Variants in AFG2A observed in about 807,000 individuals in gnomAD.
AFG2A encodes the protein AAA ATPase AFG2A.
chr4:123,190,723 G>A, the AFG2A span, among the ~76,000 whole-genome samples: 1 of 152,200 alleles, frequency 6.6e-6, no homozygotes, highest in Non-Finnish European at 1.5e-5. Context: ...GACTTCCATA[G>A]TGTACTGTAT....
chr4:123,260,211 A>G, the AFG2A span: 1 of 152,364 alleles, frequency 6.6e-6, no homozygotes, highest in African/African-American at 2.4e-5. Flanking sequence ...AATCTTATGA[A>G]TGTAGCTCTA....
At chr4:122,948,031 T>C in the AFG2A span, among the ~76,000 whole-genome samples, 1 of 152,088 alleles carries the variant, frequency 6.6e-6, no homozygotes, top group Non-Finnish European at 1.5e-5. Context: ...ATAAAAAATA[T>C]GGTTAATCAG....
chr4:123,219,110 G>A, the AFG2A span, among the ~76,000 whole-genome samples: 1 of 152,188 alleles, frequency 6.6e-6, no homozygotes, highest in African/African-American at 2.4e-5. Flanking sequence ...AAGTCATAAA[G>A]CCTTAAAACC....
At chr4:123,025,129 C>T in the AFG2A span, among the ~76,000 whole-genome samples, 1 of 152,192 alleles carries the variant, frequency 6.6e-6, no homozygotes, top group African/African-American at 2.4e-5. Context: ...GGTAGAGACA[C>T]ACTAGAAGGA....
chr4:123,087,944 C>T, the AFG2A span, among the ~76,000 whole-genome samples: 4 of 152,120 alleles, frequency 2.6e-5, no homozygotes. Flanking sequence ...CAATGCTGTC[C>T]TTTTATTGTC....
the AFG2A span, among the ~76,000 whole-genome samples, chr4:123,257,750 G>A: frequency 6.6e-6 from 1 of 152,194 alleles, no homozygotes; most frequent in Non-Finnish European, 1.5e-5. Context: ...GAAACAGCAA[G>A]AGGAAGACGA....
the AFG2A span, among the ~76,000 whole-genome samples, chr4:123,160,281 G>C: frequency 6.6e-6 from 1 of 152,064 alleles, no homozygotes; most frequent in African/African-American, 2.4e-5. Flanking sequence ...ACTTGGGGTG[G>C]AGTACAGACC....
the AFG2A span, among the ~76,000 whole-genome samples, chr4:123,149,121 C>T: frequency 5.9e-5 from 9 of 152,120 alleles, no homozygotes; most frequent in African/African-American, 2.2e-4. Flanking sequence ...CAAGTTATGA[C>T]AGAGATGGCA....
At chr4:123,016,403 G>A in the AFG2A span, among the ~76,000 whole-genome samples, 1 of 151,552 alleles carries the variant, frequency 6.6e-6, no homozygotes. Flanking sequence ...TCACTTCTCA[G>A]ACAGGGCGGC....
At chr4:123,040,207 A>C in the AFG2A span, among the ~76,000 whole-genome samples, 1 of 151,944 alleles carries the variant, frequency 6.6e-6, no homozygotes, top group South Asian at 2.1e-4. Context: ...GTGTGTCATT[A>C]ATTTTTTTTG....
the AFG2A span, chr4:122,947,300 T>A: frequency 6.2e-7 from 1 of 1,613,388 alleles, no homozygotes; most frequent in Non-Finnish European, 8.5e-7. Context: ...GATGCTGCTC[T>A]CCGAAGACCT....
the AFG2A span, among the ~76,000 whole-genome samples, chr4:122,929,709 A>AG: frequency 6.6e-6 from 1 of 151,116 alleles, no homozygotes; most frequent in African/African-American, 2.4e-5. Flanking sequence ...AAAGAAAAAA[A>AG]AAGTTACCAA....
At chr4:123,085,731 G>A in the AFG2A span, among the ~76,000 whole-genome samples, 5 of 151,992 alleles carry the variant, frequency 3.3e-5, no homozygotes, top group African/African-American at 1.2e-4. Flanking sequence ...TAATATCTAC[G>A]ATATTTGTTA....
At chr4:123,003,631 T>A in the AFG2A span, among the ~76,000 whole-genome samples, 1 of 152,098 alleles carries the variant, frequency 6.6e-6, no homozygotes, top group Non-Finnish European at 1.5e-5. Context: ...ATTTTCATGA[T>A]CTGCAAATGC....
At chr4:123,169,769 C>A in the AFG2A span, among the ~76,000 whole-genome samples, 2 of 152,220 alleles carry the variant, frequency 1.3e-5, no homozygotes, top group Admixed American at 1.3e-4. Context: ...TTGTGAGCCA[C>A]CGCGCCCGGC....
At chr4:122,938,263 T>C in the AFG2A span, 1 of 1,553,614 alleles carries the variant, frequency 6.4e-7, no homozygotes, top group Middle Eastern at 1.7e-4. Flanking sequence ...AGTATAGCAC[T>C]AGTATTGATT....
the AFG2A span, among the ~76,000 whole-genome samples, chr4:122,943,358 C>T: frequency 2.6e-5 from 4 of 152,294 alleles, no homozygotes; most frequent in South Asian, 2.1e-4. Context: ...GTTAGCTCTT[C>T]GTGTTGAATT....
chr4:123,024,114 A>G, the AFG2A span, among the ~76,000 whole-genome samples: 1 of 152,100 alleles, frequency 6.6e-6, no homozygotes, highest in Non-Finnish European at 1.5e-5. Flanking sequence ...GGATGAAGAA[A>G]CTAACCCAGA....
the AFG2A span, among the ~76,000 whole-genome samples, chr4:123,021,032 C>T: frequency 6.6e-6 from 1 of 152,236 alleles, no homozygotes; most frequent in Non-Finnish European, 1.5e-5. Context: ...TTACTCTTCG[C>T]TAATTTTATA....
Sources: allele counts gnomAD v4.1 joint callset (sites outside exome capture counted in the v4.1 genomes callset), GRCh38; gene constraint gnomAD v4.1.1; transcripts MANE v1.5; gene names NCBI Gene and HGNC (gene_info 2026-07-23, HGNC 2026-07-21).